The following CAMK2G variants were observed in gnomAD, a reference collection of about 807,000 sequenced individuals.
CAMK2G encodes the protein calcium/calmodulin-dependent protein kinase type II subunit gamma.
In CAMK2G, 23 loss-of-function variants were observed where a neutral mutation model predicts 88.7. The ratio of observed to expected loss-of-function variants is 0.26; its 90% CI spans 0.19 to 0.37. The LOEUF is 0.37. Ranked by LOEUF, CAMK2G falls within the 10% of genes least tolerant of loss-of-function variation. The pLI is 1.00. For synonymous variants in CAMK2G, 263 were observed against 294.8 expected (o/e 0.89, Z 1.11); for missense variants, 476 against 780.8 (o/e 0.61, Z 4.65).
chr10:73,859,130 G>C (rs368110106), intron 3 of CAMK2G, among the ~76,000 whole-genome samples: 28 of 152,352 alleles, frequency 1.8e-4, no homozygotes, highest in African/African-American at 5.8e-4. Context: ...TGTGCTTATG[G>C]GTGGCTTTAG....
chr10:73,869,626 G>A (rs140851254), intron 2 of CAMK2G, among the ~76,000 whole-genome samples: 350 of 152,344 alleles, frequency 2.3e-3, no homozygotes, highest in African/African-American at 7.5e-3. Context: ...GCTGGCATAC[G>A]TCAGGCACTT....
chr10:73,847,952 C>T, intron 9 of CAMK2G, 36 bp downstream of exon 9: 1 of 1,295,768 alleles, frequency 7.7e-7, no homozygotes, highest in Non-Finnish European at 1.1e-6. Context: ...GACATCTGCC[C>T]TTCCTGGCCT....
chr10:73,819,710 G>T, intron 18 of CAMK2G, 65 bp from the exon 19 acceptor site: 1 of 1,043,636 alleles, frequency 9.6e-7, no homozygotes, highest in Non-Finnish European at 1.4e-6. Flanking sequence ...GAACAAGGCA[G>T]GTGAGCGAGC....
At chr10:73,853,876 C>G (rs2094826804) in intron 3 of CAMK2G, among the ~76,000 whole-genome samples, 1 of 152,210 alleles carries the variant, frequency 6.6e-6, no homozygotes, top group African/African-American at 2.4e-5. Flanking sequence ...CAAGCACCTA[C>G]TATGTGCTGG....
In CAMK2G at chr10:73,819,540, G is replaced by A. The variant is rs1393014670; in HGVS notation, c.1355C>T (p.Ser452Phe). 1.9e-6 allele frequency: 3 copies of A among 1,548,166 alleles called. No homozygotes were observed. The highest frequency in any genetic ancestry group is 1.4e-5 in the African/African-American group (1 of 72,986). The change falls in exon 19 of 23, where the codon TCC (serine) becomes TTC (phenylalanine). Residue 452 changes from serine to phenylalanine, a missense_variant. By Grantham distance (155) the Ser-to-Phe change is radical. This residue lies in a region of CAMK2G where 278 missense variants were observed against 366.5 expected (regional missense o/e 0.76). Transcript: ENST00000423381. The stretch of plus-strand genomic sequence containing the variant: ...GCCTCCCTCACACTTACTGGCTGAG[G>A]AGCAGAGAGAAGGCTGGGGCTGCAT... Reference protein sequence around the residue: ...AGMQPQPSLCSSAMRKQEIIK... With the variant: ...AGMQPQPSLCFSAMRKQEIIK...
chr10:73,821,847 G>C (rs2088927920), intron 17 of CAMK2G, 117 bp from the exon 18 acceptor site: 1 of 822,236 alleles, frequency 1.2e-6, no homozygotes, highest in Admixed American at 2.1e-5. Context: ...AATTGTGGAA[G>C]GTTCTGCTTC....
Position 73,848,064 on chromosome 10 carries a change from A to T in CAMK2G, c.620T>A (p.Leu207His). The change falls in exon 9 of 23, where the codon CTC (leucine) becomes CAC (histidine). Residue 207 changes from leucine to histidine, a missense_variant. Transcript: ENST00000423381. This position sits in a 1 kb window ranked among gnomAD's most constrained non-coding sequence, Gnocchi z 4.5. ...CCAGAAGGGAGGATAGCCCACCAGG[A>T]GGATATACAGGATGACCCCTACGAG... is the stretch of plus-strand genomic sequence containing the variant. ...IWACGVILYI[L>H]LVGYPPFWDE... The T allele has an allele frequency of 6.2e-7, 1 of 1,604,496 alleles. No homozygotes were observed. Among genetic ancestry groups the T allele is most frequent in the Non-Finnish European group, 8.5e-7 (1 of 1,171,342 alleles).
chr10:73,860,742 G>C, intron 3 of CAMK2G, 88 bp downstream of exon 3: 1 of 946,024 alleles, frequency 1.1e-6, no homozygotes, highest in Non-Finnish European at 1.7e-6. Flanking sequence ...TCCACAGACA[G>C]AGGTGATCCC....
intron 9 of CAMK2G, among the ~76,000 whole-genome samples, chr10:73,847,698 T>C (rs1203705867): frequency 1.3e-5 from 2 of 152,208 alleles, no homozygotes; most frequent in Admixed American, 1.3e-4. Context: ...CTTTTGTCCC[T>C]GTGTTACACA....
At chr10:73,870,095 T>G (rs1439961839) in intron 2 of CAMK2G, among the ~76,000 whole-genome samples, 1 of 152,208 alleles carries the variant, frequency 6.6e-6, no homozygotes, top group Non-Finnish European at 1.5e-5. Flanking sequence ...GAAGGGAATA[T>G]GAAGATTTAA....
rs541953887 is a variant in CAMK2G at position 73,832,649 on chromosome 10, C to T, written c.1054-4528G>A. On this transcript the variant is annotated intron_variant, in intron 14 of 22. Transcript: ENST00000423381. ...ACCACTTCCTTCACTTAATATAAAA[C>T]ATTTCTGCACTTTATTTTTCACTTA... Among the ~76,000 whole-genome samples the T allele has an allele frequency of 2.0e-5, 3 of 152,266 alleles. No individual in the cohort carries two copies. In the South Asian group the frequency reaches 6.2e-4, roughly 32 times the overall value.
chr10:73,838,608 T>C (rs1045510853), intron 13 of CAMK2G, among the ~76,000 whole-genome samples: 2 of 152,166 alleles, frequency 1.3e-5, no homozygotes, highest in Non-Finnish European at 2.9e-5. Flanking sequence ...GTGTTCCATC[T>C]CTCTCCAGTG....
intron 1 of CAMK2G, 174 bp from the exon 2 acceptor site, chr10:73,873,257 G>A: frequency 9.1e-7 from 1 of 1,102,942 alleles, no homozygotes; most frequent in Non-Finnish European, 1.3e-6. Context: ...AAAGGACGCG[G>A]CCACCGCAGG....
chr10:73,820,478 ATATATATATATATATTTT>A (rs2087712628), intron 18 of CAMK2G, among the ~76,000 whole-genome samples: 1 of 30,724 alleles, frequency 3.3e-5, no homozygotes, highest in Non-Finnish European at 5.9e-5. Flanking sequence ...ATATATATAT[ATATATATATATATATTTT>A]TTTTTTTTTT....
chr10:73,817,685 C>T (rs2086151018), intron 19 of CAMK2G, 131 bp from the exon 20 acceptor site: 1 of 675,020 alleles, frequency 1.5e-6, no homozygotes, highest in Non-Finnish European at 2.7e-6. Context: ...TCTCTAGGGC[C>T]CTTGGCAGGA....
rs2092754384 is a variant in CAMK2G, at chr10:73,833,347, G to A, written c.1053+4121C>T. ...TTCCTATTTTGAATTATTTCTTTAG[G>A]AAAAACTCTCAGAAGTAGAATTAAC... is the stretch of plus-strand genomic sequence containing the variant. On this transcript the variant is annotated intron_variant, in intron 14 of 22. Coordinates refer to ENST00000423381, the MANE Select transcript of CAMK2G (RefSeq NM_001367534.1). Among the ~76,000 whole-genome samples the A allele has an allele frequency of 2.0e-5, 3 of 151,872 alleles. No individual in the cohort carries two copies. In the South Asian group the frequency reaches 6.2e-4, roughly 32 times the overall value.
At chr10:73,857,073 C>T (rs1180132412) in intron 3 of CAMK2G, among the ~76,000 whole-genome samples, 1 of 152,174 alleles carries the variant, frequency 6.6e-6, no homozygotes, top group Admixed American at 6.5e-5. Context: ...GGGCTCCCCC[C>T]ACCCCCACCA....
At position 73,839,535 on chromosome 10, in the gene CAMK2G, G is replaced by A. The variant is rs1296735442; in HGVS notation, c.1009+4C>T. ...GGCGGTCGGGGAGGACTCATGCCAC[G>A]TACCTTGCCCGGCCAGGCCGGCGGC... On this transcript the variant is annotated splice_donor_region_variant and intron_variant, in intron 13 of 22. Transcript: ENST00000423381. The surrounding 1 kb of genome is among the most constrained non-coding windows in gnomAD (Gnocchi z 4.2). 2.8e-5 allele frequency: 35 copies of A among 1,234,062 alleles called. No homozygotes were observed. Among genetic ancestry groups the A allele is most frequent in the South Asian group, 1.6e-4 (4 of 24,568 alleles). The allele number at this position is 1,234,062 out of a possible 1,614,324, so 76.4% of individuals were successfully genotyped here.
intron 14 of CAMK2G, among the ~76,000 whole-genome samples, chr10:73,831,534 TAAAAAAAA>T (rs985986206): frequency 1.8e-4 from 10 of 54,636 alleles, no homozygotes; most frequent in African/African-American, 7.3e-4. Context: ...AGACTCCGTC[TAAAAAAAA>T]AAAAAAAAAA....
Sources: gnomAD v4.1 joint callset for allele counts (sites outside exome capture counted in the v4.1 genomes callset) on GRCh38, gnomAD v4.1.1 for gene constraint, gnomAD v4.1.1 regional missense constraint, Gnocchi (gnomAD v3.1) non-coding constraint, MANE v1.5 for transcripts, NCBI Gene and HGNC (gene_info 2026-07-23, HGNC 2026-07-21) for gene names.